OLFML2B: variants seen among roughly 807,000 people sequenced by gnomAD.
The protein encoded by OLFML2B is olfactomedin like 2B.
OLFML2B carries 57 observed loss-of-function variants against 74.9 expected under a neutral mutation model. The ratio of observed to expected loss-of-function variants is 0.76; its 90% confidence interval spans 0.61 to 0.95. The LOEUF (loss-of-function observed/expected upper bound fraction) is 0.95, where lower values mean the gene tolerates loss of function less well. Ranked by LOEUF, OLFML2B falls within the 40% of genes least tolerant of loss-of-function variation. The probability of loss-of-function intolerance (pLI) is 0.00; values close to 1 mark genes in which losing one functional copy is unlikely to be tolerated. For synonymous variants in OLFML2B, 388 were observed against 405.8 expected (o/e 0.96, Z 0.53); for missense variants, 986 against 970.6 (o/e 1.02, Z -0.21).
chr1:161,992,208 T>C lies in OLFML2B; in HGVS notation c.1474+5617A>G, dbSNP rs548544511. Reference sequence around the variant, plus strand: ...TGGAGACAACTTCTTTCTCTAAATCTCACGAACCAGCCTCTGTTAGCTTCA... The same window carrying C: ...TGGAGACAACTTCTTTCTCTAAATCCCACGAACCAGCCTCTGTTAGCTTCA... On this transcript the variant is annotated intron_variant, in intron 6 of 7. Transcript: ENST00000294794. Among the ~76,000 whole-genome samples the C allele has an allele frequency of 1.7e-3, 263 of 152,384 alleles. 3 individuals carry two copies. Among genetic ancestry groups the C allele is most frequent in the Middle Eastern group, 0.01 (3 of 294 alleles).
At chr1:162,014,902 T>A (rs1690487581) in intron 3 of OLFML2B, among the ~76,000 whole-genome samples, 1 of 152,152 alleles carries the variant, frequency 6.6e-6, no homozygotes, top group South Asian at 2.1e-4. Flanking sequence ...TGTTTGAAGT[T>A]CCTGTTAAGA....
chr1:161,984,166 A>G lies in OLFML2B; in HGVS notation c.1762T>C (p.Tyr588His). The G allele has an allele frequency of 1.2e-6, 2 of 1,607,936 alleles. No individual in the cohort carries two copies. The highest frequency in any genetic ancestry group is 1.7e-6 in the Non-Finnish European group (2 of 1,176,798). The change falls in exon 8 of 8, where the codon TAC (tyrosine) becomes CAC (histidine). Residue 588 changes from tyrosine to histidine, a missense_variant. Physicochemically the swap from Tyr to His is moderately conservative, Grantham distance 83 (BLOSUM62 2). Coordinates refer to ENST00000294794, the MANE Select transcript of OLFML2B (RefSeq NM_015441.3). ...GCCACGTAGCGCTGCTTCAGGTCGT[A>G]CTTGATGATGTTGCGGGTGAAGGCG... The part of the protein sequence containing the change: ...NRAFTRNIIK[Y>H]DLKQRYVAAW...
Position 162,019,975 on chromosome 1 carries a change from A to G in OLFML2B, c.382T>C (p.Cys128Arg). The change falls in exon 2 of 8, where the codon TGC (cysteine) becomes CGC (arginine). Residue 128 changes from cysteine (C) to arginine (R), a missense_variant. Coordinates refer to ENST00000294794, the MANE Select transcript of OLFML2B (RefSeq NM_015441.3). Reference protein sequence around the residue: ...CVAPPSALNPCEGDFRLQKLR... With the variant: ...CVAPPSALNPREGDFRLQKLR... The stretch of plus-strand genomic sequence containing the variant: ...TTCTGGAGCCTGAAGTCTCCCTCGC[A>G]GGGATTGAGGGCCGATGGGGGTGCT... 1 of 1,614,128 alleles carries G rather than the reference A, an allele frequency of 6.2e-7. No homozygotes were observed. The highest frequency in any genetic ancestry group is 8.5e-7 in the Non-Finnish European group (1 of 1,179,994).
chr1:162,017,559 G>T, intron 2 of OLFML2B, 52 bp from the exon 3 acceptor site: 1 of 1,367,898 alleles, frequency 7.3e-7, no homozygotes, highest in Non-Finnish European at 1.0e-6. Flanking sequence ...CAGACACAGG[G>T]CAGAGTTTCC....
Position 162,023,356 on chromosome 1 carries a change from G to A in OLFML2B, c.75C>T (p.Leu25=), listed in dbSNP as rs1570964282. 1.2e-6 allele frequency: 2 copies of A among 1,607,916 alleles called. No homozygotes were observed. The highest frequency in any genetic ancestry group is 2.3e-5 in the East Asian group (1 of 44,388). ...CATCTGGGGGCTCGCTTGTCCCTGT[G>A]AGGACAATGCTGGACACCCAGGCCG... The part of the protein sequence containing the change: ...VVPAWVSSIV[L]TGTSEPPDAQ... Residue 25 remains leucine (L), a synonymous_variant, in exon 1 of 8, where the codon CTC becomes CTT. Coordinates refer to ENST00000294794, the MANE Select transcript of OLFML2B (RefSeq NM_015441.3).
intron 3 of OLFML2B, among the ~76,000 whole-genome samples, chr1:162,010,151 A>G (rs1285332222): frequency 6.6e-6 from 1 of 152,222 alleles, no homozygotes; most frequent in Non-Finnish European, 1.5e-5. Context: ...AGACAGATAG[A>G]GGGCTCAGAC....
chr1:162,013,534 T>C (rs1420586906), intron 3 of OLFML2B, among the ~76,000 whole-genome samples: 2 of 152,184 alleles, frequency 1.3e-5, no homozygotes, highest in African/African-American at 2.4e-5. Context: ...CTGGAGGCAA[T>C]GTAAACTTAT....
intron 1 of OLFML2B, among the ~76,000 whole-genome samples, chr1:162,020,778 G>A (rs533068004): frequency 2.6e-5 from 4 of 152,286 alleles, no homozygotes; most frequent in African/African-American, 7.2e-5. Context: ...GCCTCCCAAA[G>A]TGCTGGGATT....
At position 161,983,658 on chromosome 1, in the gene OLFML2B, T is replaced by C. The variant is rs1689489508; in HGVS notation, c.*17A>G. On this transcript the variant is annotated 3_prime_UTR_variant, in exon 8 of 8. Coordinates refer to ENST00000294794, the MANE Select transcript of OLFML2B (RefSeq NM_015441.3). ...GCTAGTGACCCCTCTGTGCTTCTGC[T>C]TGTGGGGACAAGGGTGTCAGTAGGC... is the stretch of plus-strand genomic sequence containing the variant. 1 of 1,589,676 alleles carries C rather than the reference T, an allele frequency of 6.3e-7. No homozygotes were observed. The highest frequency in any genetic ancestry group is 8.6e-7 in the Non-Finnish European group (1 of 1,165,052).
intron 3 of OLFML2B, among the ~76,000 whole-genome samples, chr1:162,007,377 C>T (rs930442065): frequency 2.0e-5 from 3 of 152,164 alleles, no homozygotes; most frequent in African/African-American, 7.2e-5. Flanking sequence ...AGAAGTTGAA[C>T]ACTGAATGGG....
intron 6 of OLFML2B, among the ~76,000 whole-genome samples, chr1:161,990,332 A>G (rs949521596): frequency 1.3e-5 from 2 of 152,264 alleles, no homozygotes; most frequent in African/African-American, 4.8e-5. Flanking sequence ...AATTCATGCT[A>G]GTAAATTAAA....
chr1:161,985,249 C>T (rs990454889), intron 6 of OLFML2B: 7 of 345,020 alleles, frequency 2.0e-5, no homozygotes, highest in African/African-American at 1.3e-4. Context: ...TCAGTCCTAT[C>T]CTTCAAAGAC....
chr1:161,989,140 T>G (rs1689668855), intron 6 of OLFML2B, among the ~76,000 whole-genome samples: 1 of 152,258 alleles, frequency 6.6e-6, no homozygotes, highest in Non-Finnish European at 1.5e-5. Context: ...CACTTCTAAC[T>G]TATCCTCCCC....
chr1:162,000,282 T>G lies in OLFML2B; in HGVS notation c.780A>C (p.Glu260Asp), dbSNP rs1690048205. ...GAGCCAGGGGTCGCGTCTGCAGAAG[T>G]TCGATGGAGTTGATCTGCTGGGACA... ...ETVSQQINSI[E>D]LLQTRPLALP... Residue 260 changes from glutamate (E) to aspartate (D), a missense_variant, in exon 5 of 8, where the codon GAA (glutamate) becomes GAC (aspartate). Coordinates refer to ENST00000294794, the MANE Select transcript of OLFML2B (RefSeq NM_015441.3). 1.2e-6 allele frequency: 2 copies of G among 1,613,118 alleles called. No individual in the cohort carries two copies. The highest frequency in any genetic ancestry group is 2.2e-5 in the East Asian group (1 of 44,872).
chr1:162,023,305 G>T lies in OLFML2B; in HGVS notation c.126C>A (p.Asp42Glu), dbSNP rs1367588043. 19 of 1,598,794 alleles carry T rather than the reference G, an allele frequency of 1.2e-5. No individual in the cohort carries two copies. Among genetic ancestry groups the T allele is most frequent in the Non-Finnish European group, 1.6e-5 (19 of 1,170,716 alleles). Residue 42 changes from aspartate (D) to glutamate (E), a missense_variant, in exon 1 of 8, where the codon GAC becomes GAA. Physicochemically the swap from Asp to Glu is conservative, Grantham distance 45 (BLOSUM62 2). Coordinates refer to ENST00000294794, the MANE Select transcript of OLFML2B (RefSeq NM_015441.3). ...PDAQTVAPAE[D>E]ETLQNEADNQ... ...TGTCCGCCTCGTTTTGCAGAGTCTC[G>T]TCCTCCGCAGGCGCCACTGTCTGCG... is the stretch of plus-strand genomic sequence containing the variant.
At position 161,983,927 on chromosome 1, in the gene OLFML2B, C is replaced by G. The variant is rs1164287157; in HGVS notation, c.2001G>C (p.Gly667=). The change falls in exon 8 of 8, where the codon GGG becomes GGC. Residue 667 remains glycine (G), a synonymous_variant. Transcript: ENST00000294794. ...STQKETTWRT[G]LRRNFYGNCF... Reference sequence around the variant, plus strand: ...AGTTGCCGTAGAAATTCCTCCGGAGCCCCGTGCGCCATGTGGTCTCCTTCT... The same window carrying G: ...AGTTGCCGTAGAAATTCCTCCGGAGGCCCGTGCGCCATGTGGTCTCCTTCT... 1 of 1,614,232 alleles carries G rather than the reference C, an allele frequency of 6.2e-7. No homozygotes were observed. The highest frequency in any genetic ancestry group is 8.5e-7 in the Non-Finnish European group (1 of 1,180,046).
At chr1:161,989,465 T>C (rs535686402) in intron 6 of OLFML2B, among the ~76,000 whole-genome samples, 1 of 152,184 alleles carries the variant, frequency 6.6e-6, no homozygotes, top group Non-Finnish European at 1.5e-5. Flanking sequence ...TAGGATGAAT[T>C]TGGCCCTCAG....
At chr1:161,994,763 A>C (rs1346972589) in intron 6 of OLFML2B, among the ~76,000 whole-genome samples, 1 of 147,852 alleles carries the variant, frequency 6.8e-6, no homozygotes, top group African/African-American at 2.5e-5. Flanking sequence ...ACAGCCAAAA[A>C]TGAATTCTAA....
At chr1:161,999,884 C>T (rs1191220912) in intron 5 of OLFML2B, among the ~76,000 whole-genome samples, 1 of 152,198 alleles carries the variant, frequency 6.6e-6, no homozygotes, top group African/African-American at 2.4e-5. Context: ...CCCAGCCACA[C>T]TCTGCCATAT....
Sources: allele counts gnomAD v4.1 joint callset (sites outside exome capture counted in the v4.1 genomes callset), GRCh38; gene constraint gnomAD v4.1.1; transcripts MANE v1.5; gene names NCBI Gene and HGNC (gene_info 2026-07-23, HGNC 2026-07-21).